Variants in PKIG observed in about 807,000 individuals in gnomAD.
PKIG encodes the protein cAMP-dependent protein kinase inhibitor gamma, also known as protein kinase (cAMP-dependent, catalytic) inhibitor gamma.
In PKIG, 1 loss-of-function variant was observed where a neutral mutation model predicts 6.8. The observed-to-expected ratio is 0.15, with a 90% confidence interval of 0.05 to 0.69. The LOEUF (loss-of-function observed/expected upper bound fraction) is 0.69. Ranked by LOEUF, PKIG falls within the 30% of genes least tolerant of loss-of-function variation. The pLI, the probability that PKIG is intolerant of heterozygous loss-of-function variation, is 0.82. For missense variants in PKIG, 77 were observed against 104.0 expected (o/e 0.74, Z 1.13); for synonymous variants, 39 against 43.0 (o/e 0.91, Z 0.36).
intron 1 of PKIG, among the ~76,000 whole-genome samples, chr20:44,561,615 A>T (rs996774150): frequency 4.0e-4 from 60 of 151,874 alleles, no homozygotes; most frequent in Admixed American, 1.4e-3. Context: ...ATTTAAAAAA[A>T]TTTTTTTTTC....
chr20:44,610,898 G>A (rs1483781937), intron 2 of PKIG, among the ~76,000 whole-genome samples: 1 of 151,660 alleles, frequency 6.6e-6, no homozygotes, highest in Non-Finnish European at 1.5e-5. Context: ...ACATGTCATT[G>A]TATATATTTG....
At chr20:44,590,853 G>A (rs1276533608) in intron 2 of PKIG, among the ~76,000 whole-genome samples, 1 of 152,250 alleles carries the variant, frequency 6.6e-6, no homozygotes, top group Admixed American at 6.5e-5. Flanking sequence ...GCATGGGAGA[G>A]AGAAGGTCTT....
intron 1 of PKIG, among the ~76,000 whole-genome samples, chr20:44,542,753 C>T (rs1402112936): frequency 6.6e-6 from 1 of 152,068 alleles, no homozygotes; most frequent in Non-Finnish European, 1.5e-5. Context: ...CCACAATACC[C>T]AGCTAATTTT....
chr20:44,544,724 A>G (rs545584553), intron 1 of PKIG, among the ~76,000 whole-genome samples: 1 of 152,204 alleles, frequency 6.6e-6, no homozygotes, highest in Non-Finnish European at 1.5e-5. Context: ...TCTTAGCTGT[A>G]CACATTGCCA....
At chr20:44,591,199 C>G (rs769072173) in intron 2 of PKIG, among the ~76,000 whole-genome samples, 1 of 151,906 alleles carries the variant, frequency 6.6e-6, no homozygotes, top group Non-Finnish European at 1.5e-5. Flanking sequence ...TGGGGGCTTG[C>G]GGAGCAGCAC....
chr20:44,609,244 G>T (rs923009404), intron 2 of PKIG, among the ~76,000 whole-genome samples: 1 of 152,194 alleles, frequency 6.6e-6, no homozygotes, highest in African/African-American at 2.4e-5. Context: ...GTCTTTGAGT[G>T]TGGCATTTGC....
At chr20:44,613,461 T>C (rs931377595) in intron 2 of PKIG, among the ~76,000 whole-genome samples, 3 of 152,206 alleles carry the variant, frequency 2.0e-5, no homozygotes, top group African/African-American at 4.8e-5. Context: ...CCTAGTTCCA[T>C]GTACCTAGCC....
At chr20:44,561,059 C>T (rs1179585909) in intron 1 of PKIG, among the ~76,000 whole-genome samples, 4 of 152,174 alleles carry the variant, frequency 2.6e-5, no homozygotes, top group African/African-American at 9.6e-5. Flanking sequence ...CACAATGGGC[C>T]GGGTGTGATG....
At position 44,571,224 on chromosome 20, in the gene PKIG, A is replaced by AAATAATAATAATAAT. The variant is rs140802204; in HGVS notation, c.-240-11348_-240-11334dup. Among the ~76,000 whole-genome samples the AAATAATAATAATAAT allele has an allele frequency of 4.3e-3, 647 of 150,184 alleles. 3 individuals carry two copies. Among genetic ancestry groups the AAATAATAATAATAAT allele is most frequent in the South Asian group, 0.017 (81 of 4,688 alleles). On this transcript the variant is annotated intron_variant, in intron 1 of 4. Coordinates refer to the PKIG transcript ENST00000372887. ...TACAGCCTATGCGATAGAGAGACTC[A>AAATAATAATAATAAT]AATAATAATAATAATAATAATAATA...
intron 1 of PKIG, among the ~76,000 whole-genome samples, chr20:44,588,039 A>G (rs1311171787): frequency 2.0e-5 from 3 of 152,244 alleles, no homozygotes; most frequent in Non-Finnish European, 4.4e-5. Context: ...CTCAGATAAC[A>G]TGAACACATT....
At chr20:44,568,873 T>C (rs906792727) in intron 1 of PKIG, among the ~76,000 whole-genome samples, 4 of 152,252 alleles carry the variant, frequency 2.6e-5, no homozygotes, top group Non-Finnish European at 5.9e-5. Flanking sequence ...TAGTGGACTT[T>C]AAGGATTTTC....
chr20:44,587,637 C>G (rs753438616), intron 1 of PKIG, among the ~76,000 whole-genome samples: 1 of 151,686 alleles, frequency 6.6e-6, no homozygotes, highest in Admixed American at 6.6e-5. Context: ...AGAATATGTT[C>G]AAGGGAAGAA....
At chr20:44,540,451 T>C (rs1335185022) in intron 1 of PKIG, among the ~76,000 whole-genome samples, 1 of 152,220 alleles carries the variant, frequency 6.6e-6, no homozygotes, top group African/African-American at 2.4e-5. Context: ...TTAACCAAAA[T>C]TAATTACGTT....
At chr20:44,601,935 G>C (rs1020481572) in intron 2 of PKIG, among the ~76,000 whole-genome samples, 1 of 152,202 alleles carries the variant, frequency 6.6e-6, no homozygotes, top group Non-Finnish European at 1.5e-5. Context: ...ACAAAGCTGG[G>C]GGGAGTATTA....
intron 2 of PKIG, among the ~76,000 whole-genome samples, chr20:44,609,198 A>G (rs568406825): frequency 1.3e-4 from 20 of 152,342 alleles, no homozygotes; most frequent in South Asian, 1.0e-3. Flanking sequence ...TATGGTAGCC[A>G]GAGCATGTTG....
chr20:44,586,204 G>C (rs184801194), intron 1 of PKIG, among the ~76,000 whole-genome samples: 1 of 152,280 alleles, frequency 6.6e-6, no homozygotes, highest in East Asian at 1.9e-4. Context: ...CCTCAAAGGG[G>C]TGCCATGCGG....
At chr20:44,590,363 G>T (rs544512619) in intron 2 of PKIG, among the ~76,000 whole-genome samples, 20 of 152,336 alleles carry the variant, frequency 1.3e-4, no homozygotes, top group South Asian at 6.2e-4. Context: ...GTAGTCTGGT[G>T]AGAAGGGATG....
At chr20:44,566,042 G>A (rs771384024) in intron 1 of PKIG, among the ~76,000 whole-genome samples, 2 of 152,112 alleles carry the variant, frequency 1.3e-5, no homozygotes, top group South Asian at 2.1e-4. Context: ...GATTACAGGC[G>A]TGAGCCACCA....
rs1243872462 is a variant in PKIG at position 44,551,301 on chromosome 20, A to C, written c.-241+19323A>C. Among the ~76,000 whole-genome samples, 5 of 152,106 alleles carry C rather than the reference A, an allele frequency of 3.3e-5. No individual in the cohort carries two copies. In the East Asian group the frequency reaches 9.6e-4, roughly 29 times the overall value. On this transcript the variant is annotated intron_variant, in intron 1 of 4. Transcript: ENST00000372887. ...GATCTCCTGACCTTGTGATCTGCCC[A>C]CCTCGGCCTCCCAAAGTGCTGGGAT... is the stretch of plus-strand genomic sequence containing the variant.
Sources: gnomAD v4.1 joint callset for allele counts (sites outside exome capture counted in the v4.1 genomes callset) on GRCh38, gnomAD v4.1.1 for gene constraint, MANE v1.5 for transcripts, NCBI Gene and HGNC (gene_info 2026-07-23, HGNC 2026-07-21) for gene names.